Variants in ANAPC7 observed in about 807,000 individuals in gnomAD.
ANAPC7 encodes anaphase promoting complex subunit 7, also known as anaphase-promoting complex subunit 7.
ANAPC7 carries 25 observed loss-of-function variants against 63.3 expected under a neutral mutation model. That is an observed-to-expected ratio of 0.39 (90% confidence interval 0.29 to 0.55). The LOEUF is 0.55. ANAPC7 is among the 20% of genes least tolerant of loss of function. The probability of loss-of-function intolerance (pLI) is 0.57; values close to 1 mark genes in which losing one functional copy is unlikely to be tolerated. For missense variants in ANAPC7, 516 were observed against 691.7 expected (o/e 0.75, Z 2.85); for synonymous variants, 241 against 251.7 (o/e 0.96, Z 0.40).
chr12:110,376,694 A>G (rs1436837586), intron 9 of ANAPC7, among the ~76,000 whole-genome samples: 1 of 151,582 alleles, frequency 6.6e-6, no homozygotes, highest in Admixed American at 6.6e-5. Flanking sequence ...TGAGTTTATC[A>G]TAAATCAGGA....
Position 110,374,408 on chromosome 12 carries a change from C to T in ANAPC7, c.1509-75G>A, listed in dbSNP as rs1173766157. On this transcript the variant is annotated intron_variant, in intron 10 of 10. Coordinates refer to ENST00000455511, the MANE Select transcript of ANAPC7 (RefSeq NM_016238.3). ...GCTGGCTGATTCGTCATCTCCCTGG[C>T]CCGGCAGTGAAATGACCACACAGTC... 3 of 1,466,422 alleles carry T rather than the reference C, an allele frequency of 2.0e-6. No individual in the cohort carries two copies. The African/African-American group carries it at 4.2e-5, about 20-fold the overall frequency. 90.8% of individuals were successfully genotyped at this position (1,466,422 alleles called of 1,614,324 possible).
chr12:110,383,033 C>T (rs28670084), intron 6 of ANAPC7, 73 bp from the exon 7 acceptor site: 10 of 1,164,642 alleles, frequency 8.6e-6, no homozygotes, highest in Non-Finnish European at 1.2e-5. Context: ...AGGAGTAGCA[C>T]CCAACATCAG....
At chr12:110,396,225 C>CAAAAAA in intron 2 of ANAPC7, 41 bp downstream of exon 2, 6 of 1,282,352 alleles carry the variant, frequency 4.7e-6, no homozygotes, top group South Asian at 1.3e-5. Flanking sequence ...GAGTCTTTCT[C>CAAAAAA]AAAAAAAAAA....
chr12:110,387,667 T>C (rs1882733994), intron 5 of ANAPC7, 72 bp downstream of exon 5: 2 of 1,521,336 alleles, frequency 1.3e-6, no homozygotes, highest in Admixed American at 2.1e-5. Flanking sequence ...TTCTTTTTGC[T>C]ACTTCAGATA....
chr12:110,390,496 A>G (rs917109643), intron 3 of ANAPC7, among the ~76,000 whole-genome samples: 2 of 152,376 alleles, frequency 1.3e-5, no homozygotes, highest in African/African-American at 4.8e-5. Flanking sequence ...GTGGCTTGGT[A>G]TGCCAGATAT....
chr12:110,400,706 T>C (rs1056733601), intron 1 of ANAPC7, among the ~76,000 whole-genome samples: 1 of 151,820 alleles, frequency 6.6e-6, no homozygotes, highest in Non-Finnish European at 1.5e-5. Flanking sequence ...CCTGTCAACA[T>C]GAAGTGGATG....
chr12:110,401,290 C>T (rs919754180), intron 1 of ANAPC7, among the ~76,000 whole-genome samples: 8 of 152,194 alleles, frequency 5.3e-5, no homozygotes, highest in African/African-American at 1.9e-4. Flanking sequence ...GCATCGTACT[C>T]CTCCATTTAT....
At chr12:110,400,109 A>C (rs1211155233) in intron 1 of ANAPC7, among the ~76,000 whole-genome samples, 2 of 152,164 alleles carry the variant, frequency 1.3e-5, no homozygotes, top group Non-Finnish European at 1.5e-5. Context: ...AACAGAAAAA[A>C]AACAACAAAA....
intron 1 of ANAPC7, among the ~76,000 whole-genome samples, chr12:110,401,886 A>C (rs2062234072): frequency 6.8e-6 from 1 of 146,116 alleles, no homozygotes; most frequent in Non-Finnish European, 1.5e-5. Flanking sequence ...AGGCAGGATA[A>C]TGGCGTGAAC....
intron 1 of ANAPC7, among the ~76,000 whole-genome samples, chr12:110,403,005 G>A (rs28429955): frequency 6.6e-6 from 1 of 152,152 alleles, no homozygotes; most frequent in African/African-American, 2.4e-5. Context: ...GCCTCCCAAA[G>A]GGCTCGTATT....
intron 3 of ANAPC7, among the ~76,000 whole-genome samples, chr12:110,392,380 T>TG (rs888946590): frequency 7.0e-5 from 8 of 114,652 alleles, no homozygotes; most frequent in African/African-American, 1.9e-4. Flanking sequence ...TGCTTAAACA[T>TG]GTTCTCATCA....
chr12:110,385,673 T>C (rs1882389100), intron 6 of ANAPC7, among the ~76,000 whole-genome samples: 1 of 152,206 alleles, frequency 6.6e-6, no homozygotes, highest in Admixed American at 6.6e-5. Flanking sequence ...CCCAGCTCCA[T>C]CATTCCCCTG....
At chr12:110,392,068 G>A (rs1238103464) in intron 3 of ANAPC7, among the ~76,000 whole-genome samples, 2 of 130,524 alleles carry the variant, frequency 1.5e-5, no homozygotes, top group Admixed American at 1.8e-4. Context: ...CTCCAGCCTG[G>A]CAACACAGCA....
chr12:110,395,283 C>A (rs1263218159), intron 2 of ANAPC7, 63 bp from the exon 3 acceptor site: 1 of 1,500,526 alleles, frequency 6.7e-7, no homozygotes, highest in Non-Finnish European at 9.0e-7. Context: ...TTCTTCAAAA[C>A]GTTAAACATA....
intron 1 of ANAPC7, among the ~76,000 whole-genome samples, chr12:110,397,913 G>A (rs1358718850): frequency 4.7e-5 from 7 of 149,986 alleles, no homozygotes; most frequent in South Asian, 4.2e-4. Context: ...AAAAAAGATC[G>A]GGAAAGCCAA....
At chr12:110,381,970 AAAACAC>A in intron 7 of ANAPC7, 22 bp from the exon 8 acceptor site, 2 of 1,510,670 alleles carry the variant, frequency 1.3e-6, no homozygotes, top group Admixed American at 2.5e-5. Flanking sequence ...AAAAAAAAAA[AAAACAC>A]AAAAACCCCA....
At chr12:110,390,217 C>T (rs564735258) in intron 3 of ANAPC7, among the ~76,000 whole-genome samples, 46 of 151,824 alleles carry the variant, frequency 3.0e-4, no homozygotes, top group Non-Finnish European at 5.0e-4. Context: ...TACAGGCACC[C>T]GCCACCACGC....
intron 5 of ANAPC7, 125 bp downstream of exon 5, chr12:110,387,614 T>TC: frequency 8.8e-7 from 1 of 1,134,896 alleles, no homozygotes; most frequent in South Asian, 1.5e-5. Flanking sequence ...GACTAACACA[T>TC]CCCAGAGACT....
At chr12:110,393,248 A>C (rs547336950) in intron 3 of ANAPC7, among the ~76,000 whole-genome samples, 14 of 152,338 alleles carry the variant, frequency 9.2e-5, no homozygotes, top group African/African-American at 3.4e-4. Context: ...CCCCATTACC[A>C]AATGTGTACA....
Sources: gnomAD v4.1 joint callset for allele counts (sites outside exome capture counted in the v4.1 genomes callset) on GRCh38, gnomAD v4.1.1 for gene constraint, MANE v1.5 for transcripts, NCBI Gene and HGNC (gene_info 2026-07-23, HGNC 2026-07-21) for gene names.